The following CBR4 variants were observed in gnomAD, a reference collection of about 807,000 sequenced individuals.
CBR4 encodes 3-oxoacyl-[acyl-carrier-protein] reductase.
CBR4 carries 22 observed loss-of-function variants against 21.0 expected under a neutral mutation model. The observed-to-expected ratio is 1.05, with a 90% CI of 0.75 to 1.50. The LOEUF (loss-of-function observed/expected upper bound fraction) is 1.50. Among genes scored for constraint, CBR4 ranks in the 40% most tolerant of loss-of-function variants. The probability of loss-of-function intolerance (pLI) is 0.00; values close to 1 mark genes in which losing one functional copy is unlikely to be tolerated. For synonymous variants in CBR4, 100 were observed against 104.4 expected (o/e 0.96, Z 0.26); for missense variants, 302 against 286.3 (o/e 1.05, Z -0.40).
At chr4:168,902,422 C>T (rs919600862) in intron 2 of CBR4, among the ~76,000 whole-genome samples, 4 of 152,164 alleles carry the variant, frequency 2.6e-5, no homozygotes, top group Non-Finnish European at 5.9e-5. Flanking sequence ...GCTGTTGGCA[C>T]TGTGATTCAT....
chr4:169,009,753 T>C (rs1375450160), intron 1 of CBR4, among the ~76,000 whole-genome samples, 195 bp downstream of exon 1: 1 of 152,220 alleles, frequency 6.6e-6, no homozygotes, highest in Admixed American at 6.5e-5. Context: ...GTGGCCGGCA[T>C]TCTGCGAGGC....
intron 4 of CBR4, among the ~76,000 whole-genome samples, chr4:168,994,009 C>T (rs1435322988): frequency 6.6e-6 from 1 of 152,128 alleles, no homozygotes; most frequent in Non-Finnish European, 1.5e-5. Context: ...GACCTTAACA[C>T]AGCAGCACTA....
intron 2 of CBR4, among the ~76,000 whole-genome samples, chr4:168,947,918 G>A (rs980583487): frequency 6.6e-6 from 1 of 152,152 alleles, no homozygotes; most frequent in Non-Finnish European, 1.5e-5. Context: ...AGATCAAATG[G>A]TAATCCTACT....
At chr4:168,927,290 T>C (rs1009645224) in intron 2 of CBR4, 5 of 231,218 alleles carry the variant, frequency 2.2e-5, no homozygotes, top group African/African-American at 1.1e-4. Flanking sequence ...ACAGGAGAGG[T>C]AGCAAAGGCC....
intron 2 of CBR4, chr4:168,916,048 GCATATC>G (rs777454544): frequency 1.6e-5 from 25 of 1,608,924 alleles, no homozygotes; most frequent in Non-Finnish European, 1.8e-5. Context: ...GTTATTGCTT[GCATATC>G]CTATTGCCCC....
intron 2 of CBR4, among the ~76,000 whole-genome samples, chr4:168,945,808 A>C (rs1763382062): frequency 1.3e-5 from 2 of 152,210 alleles, no homozygotes; most frequent in South Asian, 4.1e-4. Flanking sequence ...AAACTTAGAC[A>C]ATTTTGTGTT....
At chr4:168,896,460 A>C (rs1755194521) in intron 2 of CBR4, 1 of 792,870 alleles carries the variant, frequency 1.3e-6, no homozygotes, top group South Asian at 1.5e-5. Flanking sequence ...TTGCTAGCAC[A>C]AAAGTTTCAC....
At position 168,989,206 on chromosome 4, in the gene CBR4, T is replaced by C; in HGVS notation, c.*944A>G. The C allele has an allele frequency of 1.0e-6, 1 of 970,540 alleles. No homozygotes were observed. The highest frequency in any genetic ancestry group is 1.2e-6 in the Non-Finnish European group (1 of 816,338). 60.1% of individuals were successfully genotyped at this position (970,540 alleles called of 1,614,324 possible). ...AATCATAATCACTAATGCAAAATAC[T>C]CTTAATTTTTTAAATGTTGTATTTC... is the stretch of plus-strand genomic sequence containing the variant. On this transcript the variant is annotated 3_prime_UTR_variant, in exon 5 of 5. Coordinates refer to ENST00000306193, the MANE Select transcript of CBR4 (RefSeq NM_032783.5).
intron 4 of CBR4, among the ~76,000 whole-genome samples, chr4:168,999,597 TC>T (rs1443222307): frequency 3.9e-5 from 5 of 127,462 alleles, no homozygotes; most frequent in Admixed American, 8.7e-5. Context: ...GGTTGTATGC[TC>T]AACAAAAAAG....
rs1731292312 is a variant in CBR4 at position 169,010,072 on chromosome 4, A to G, written c.18T>C (p.Ala6=). Residue 6 remains alanine, a synonymous_variant, in exon 1 of 5, where the codon GCT becomes GCC. Transcript: ENST00000306193. ...CAATGCCTCGGGAGCCTCCAAAAAC[A>G]GCACACACTTTGTCCATCTCGGAGT... is the stretch of plus-strand genomic sequence containing the variant. MDKVC[A]VFGGSRGIGR... is the part of the protein sequence containing the mutation. 4 of 1,613,290 alleles carry G rather than the reference A, an allele frequency of 2.5e-6. No individual in the cohort carries two copies. The African/African-American group carries it at 4.0e-5, about 16-fold the overall frequency.
chr4:168,979,155 G>GC (rs1764464282), intron 2 of CBR4, among the ~76,000 whole-genome samples: 1 of 148,406 alleles, frequency 6.7e-6, no homozygotes, highest in African/African-American at 2.5e-5. Context: ...CCCCCAACAA[G>GC]CCCCCCTCCC....
chr4:168,971,998 C>T (rs1187865339), intron 2 of CBR4, among the ~76,000 whole-genome samples: 1 of 152,182 alleles, frequency 6.6e-6, no homozygotes, highest in Non-Finnish European at 1.5e-5. Flanking sequence ...TTTCATTCTT[C>T]CACATGTGGC....
At chr4:168,956,456 C>T (rs1030724984) in intron 2 of CBR4, among the ~76,000 whole-genome samples, 1 of 151,442 alleles carries the variant, frequency 6.6e-6, no homozygotes, top group South Asian at 2.1e-4. Flanking sequence ...AAATTAGTTA[C>T]GCACGGTGGC....
At chr4:168,926,724 A>C in intron 2 of CBR4, 2 of 312,116 alleles carry the variant, frequency 6.4e-6, no homozygotes, top group Non-Finnish European at 1.2e-5. Flanking sequence ...TTTAAACACA[A>C]GATATAGGTG....
intron 2 of CBR4, among the ~76,000 whole-genome samples, chr4:168,896,386 T>C (rs1755171381): frequency 6.6e-6 from 1 of 152,214 alleles, no homozygotes; most frequent in Non-Finnish European, 1.5e-5. Context: ...TGGAGTCCTG[T>C]ACCAAAAGTG....
chr4:168,920,742 C>A (rs1761305455), intron 2 of CBR4, among the ~76,000 whole-genome samples: 1 of 152,148 alleles, frequency 6.6e-6, no homozygotes, highest in African/African-American at 2.4e-5. Flanking sequence ...TTTCGTATTG[C>A]TCTTGTTATT....
At chr4:168,956,647 A>G (rs1258970861) in intron 2 of CBR4, among the ~76,000 whole-genome samples, 3 of 148,882 alleles carry the variant, frequency 2.0e-5, no homozygotes, top group Non-Finnish European at 4.5e-5. Flanking sequence ...AATAATATTT[A>G]CTAAGTACTT....
At chr4:168,970,874 TG>T (rs1278062477) in intron 2 of CBR4, among the ~76,000 whole-genome samples, 1 of 152,116 alleles carries the variant, frequency 6.6e-6, no homozygotes, top group East Asian at 1.9e-4. Flanking sequence ...ATCTACTCGT[TG>T]GTTGATGGGC....
At chr4:168,904,199 C>A in intron 2 of CBR4, 1 of 358,782 alleles carries the variant, frequency 2.8e-6, no homozygotes, top group Non-Finnish European at 5.2e-6. Context: ...TGGACAAAGT[C>A]CTATGGTAAA....
Sources: gnomAD v4.1 joint callset for allele counts (sites outside exome capture counted in the v4.1 genomes callset) on GRCh38, gnomAD v4.1.1 for gene constraint, MANE v1.5 for transcripts, NCBI Gene and HGNC (gene_info 2026-07-23, HGNC 2026-07-21) for gene names.